LRRC4C: variants seen among roughly 807,000 people sequenced by gnomAD.
LRRC4C encodes the protein leucine-rich repeat-containing protein 4C.
LRRC4C carries 5 observed loss-of-function variants against 33.6 expected under a neutral mutation model. The observed-to-expected ratio is 0.15, with a 90% confidence interval of 0.08 to 0.31. The LOEUF (loss-of-function observed/expected upper bound fraction) is 0.31, where lower values mean the gene tolerates loss of function less well. Among genes scored for constraint, LRRC4C ranks in the 10% least tolerant of loss-of-function variants. The pLI, the probability that LRRC4C is intolerant of heterozygous loss-of-function variation, is 1.00. For synonymous variants in LRRC4C, 329 were observed against 302.0 expected (o/e 1.09, Z -0.93); for missense variants, 560 against 796.7 (o/e 0.70, Z 3.58).
At chr11:41,336,242 C>T (rs1951447850) in intron 1 of LRRC4C, among the ~76,000 whole-genome samples, 1 of 148,672 alleles carries the variant, frequency 6.7e-6, no homozygotes, top group Non-Finnish European at 1.5e-5. Flanking sequence ...ATAGACTTTC[C>T]TTTTTTTTTA....
intron 5 of LRRC4C, among the ~76,000 whole-genome samples, chr11:40,164,933 G>A (rs1859462866): frequency 6.6e-6 from 1 of 152,066 alleles, no homozygotes; most frequent in Non-Finnish European, 1.5e-5. Context: ...ACATCCATCT[G>A]GTAACTAAGC....
chr11:40,921,290 A>T (rs569619369), intron 2 of LRRC4C, among the ~76,000 whole-genome samples: 34 of 152,272 alleles, frequency 2.2e-4, no homozygotes, highest in African/African-American at 8.2e-4. Flanking sequence ...ATAGAAGGAG[A>T]AGGATAAATT....
rs191355756 is a variant in LRRC4C at position 40,847,596 on chromosome 11, G to A, written c.-407+86039C>T. Among the ~76,000 whole-genome samples, 3 of 152,204 alleles carry A rather than the reference G, an allele frequency of 2.0e-5. No individual in the cohort carries two copies. The East Asian group carries it at 5.8e-4, about 29-fold the overall frequency. ...GTTTCAATGTTCATCAGGGATACTG[G>A]CCTGAAATTTTCTTTCTTTGTTGTG... On this transcript the variant is annotated intron_variant, in intron 2 of 6. Coordinates refer to ENST00000528697, the MANE Select transcript of LRRC4C (RefSeq NM_001258419.2).
intron 5 of LRRC4C, among the ~76,000 whole-genome samples, chr11:40,205,152 T>C (rs1224623097): frequency 1.3e-5 from 2 of 152,164 alleles, no homozygotes; most frequent in Admixed American, 6.5e-5. Context: ...TATTTGTCTT[T>C]GTCAAAGGAT....
At chr11:40,652,438 T>G (rs1302495003) in intron 2 of LRRC4C, among the ~76,000 whole-genome samples, 1 of 152,366 alleles carries the variant, frequency 6.6e-6, no homozygotes, top group South Asian at 2.1e-4. Flanking sequence ...TATTATCTTC[T>G]AATTCTTCAA....
chr11:40,796,635 C>CTTTTT lies in LRRC4C; in HGVS notation c.-407+136995_-407+136999dup, dbSNP rs1188389556. ...AAACAAAAGAGGGCTAAGCAGAACT[C>CTTTTT]TTTTTTTTTTTTTTTTTTTTTTTTA... On this transcript the variant is annotated intron_variant, in intron 2 of 6. Coordinates refer to ENST00000528697, the MANE Select transcript of LRRC4C (RefSeq NM_001258419.2). Among the ~76,000 whole-genome samples, 247 of 104,884 alleles carry CTTTTT rather than the reference C, an allele frequency of 2.4e-3. 1 individual carries two copies. The highest frequency in any genetic ancestry group is 4.9e-3 in the African/African-American group (128 of 26,302). 68.8% of individuals were successfully genotyped at this position (104,884 alleles called of 152,430 possible). A position where few individuals can be genotyped will look rare whatever the true frequency, so the allele number is the denominator to read the frequency against.
In LRRC4C at chr11:40,201,378, C is replaced by CT. The variant is rs34521403; in HGVS notation, c.-96+40140dup. On this transcript the variant is annotated intron_variant, in intron 5 of 6. Transcript: ENST00000528697. ...TTGTTTTTGTTTTTGTTTTTAAGCCCTTTTTTTGAGAAAAGAAAAGGAAAT... is the reference window on the plus strand; with the variant it reads ...TTGTTTTTGTTTTTGTTTTTAAGCCCTTTTTTTTGAGAAAAGAAAAGGAAAT... Among the ~76,000 whole-genome samples the CT allele has an allele frequency of 8.5e-5, 13 of 152,128 alleles. No individual in the cohort carries two copies. The South Asian group carries it at 2.5e-3, about 29-fold the overall frequency.
chr11:41,193,695 G>T (rs1946061270), intron 1 of LRRC4C, among the ~76,000 whole-genome samples: 1 of 152,034 alleles, frequency 6.6e-6, no homozygotes, highest in South Asian at 2.1e-4. Context: ...ATGGAGATGA[G>T]TGCTTCTAAA....
intron 4 of LRRC4C, among the ~76,000 whole-genome samples, chr11:40,311,657 G>T (rs895578118): frequency 6.6e-6 from 1 of 152,070 alleles, no homozygotes; most frequent in African/African-American, 2.4e-5. Context: ...CTTAAAATGT[G>T]CTTTTCTGAC....
intron 3 of LRRC4C, among the ~76,000 whole-genome samples, chr11:40,430,263 G>C (rs139536582): frequency 0.015 from 2,125 of 138,384 alleles, 39 homozygotes; most frequent in African/African-American, 0.055. Context: ...GTGCACGTAT[G>C]GGGGGGGTTG....
At chr11:40,586,970 T>C (rs962283698) in intron 3 of LRRC4C, among the ~76,000 whole-genome samples, 7 of 152,068 alleles carry the variant, frequency 4.6e-5, no homozygotes, top group African/African-American at 1.7e-4. Context: ...TCTTTTTTGG[T>C]TCCATATGAA....
chr11:41,186,771 G>A (rs927378985), intron 1 of LRRC4C, among the ~76,000 whole-genome samples: 17 of 152,020 alleles, frequency 1.1e-4, no homozygotes, highest in African/African-American at 3.9e-4. Context: ...TCTAAATTAC[G>A]CCCTGAGTCA....
rs148938532 is a variant in LRRC4C, at chr11:40,681,244, A to G, written c.-406-32966T>C. On this transcript the variant is annotated intron_variant, in intron 2 of 6. Coordinates refer to ENST00000528697, the MANE Select transcript of LRRC4C (RefSeq NM_001258419.2). Reference sequence around the variant, plus strand: ...ATCAGAACAGGCATTATTCAAAACAACCAGTACAAGAGTACATAAATACAG... The same window carrying G: ...ATCAGAACAGGCATTATTCAAAACAGCCAGTACAAGAGTACATAAATACAG... Among the ~76,000 whole-genome samples, 28 of 152,298 alleles carry G rather than the reference A, an allele frequency of 1.8e-4. 1 individual carries two copies. In the East Asian group the frequency reaches 5.2e-3, roughly 28 times the overall value.
intron 2 of LRRC4C, among the ~76,000 whole-genome samples, chr11:40,727,448 T>A (rs1947339253): frequency 6.6e-6 from 1 of 152,126 alleles, no homozygotes; most frequent in Non-Finnish European, 1.5e-5. Flanking sequence ...GTGTAAGACT[T>A]CACACTATAA....
At chr11:41,239,636 C>T (rs1054452693) in intron 1 of LRRC4C, among the ~76,000 whole-genome samples, 1 of 152,096 alleles carries the variant, frequency 6.6e-6, no homozygotes, top group Admixed American at 6.6e-5. Flanking sequence ...TATTTACATA[C>T]TCCATTCTGT....
intron 5 of LRRC4C, among the ~76,000 whole-genome samples, chr11:40,166,629 A>G (rs946335282): frequency 4.6e-5 from 7 of 152,192 alleles, no homozygotes; most frequent in African/African-American, 7.2e-5. Context: ...GTATCAGGCA[A>G]CTATGATGAT....
intron 3 of LRRC4C, among the ~76,000 whole-genome samples, chr11:40,352,261 GT>G (rs1947446132): frequency 6.7e-6 from 1 of 148,330 alleles, no homozygotes; most frequent in Admixed American, 6.8e-5. Context: ...TCTGTTGTAG[GT>G]TTTTTAAATT....
intron 2 of LRRC4C, among the ~76,000 whole-genome samples, chr11:40,730,868 A>G (rs181353174): frequency 6.6e-6 from 1 of 152,244 alleles, no homozygotes; most frequent in East Asian, 1.9e-4. Flanking sequence ...ACTTTCTGAT[A>G]GTTTGGATCT....
intron 1 of LRRC4C, among the ~76,000 whole-genome samples, chr11:41,090,832 T>C (rs1940362190): frequency 6.6e-6 from 1 of 152,128 alleles, no homozygotes; most frequent in Non-Finnish European, 1.5e-5. Context: ...GTGAAGAAGG[T>C]CTTTGTTTTC....
Sources: gnomAD v4.1 joint callset for allele counts (sites outside exome capture counted in the v4.1 genomes callset) on GRCh38, gnomAD v4.1.1 for gene constraint, MANE v1.5 for transcripts, NCBI Gene and HGNC (gene_info 2026-07-23, HGNC 2026-07-21) for gene names.